Variants in SPTLC3 observed in about 807,000 individuals in gnomAD.
The protein encoded by SPTLC3 is serine palmitoyltransferase long chain base subunit 3, also known as serine palmitoyltransferase 3.
In SPTLC3, 36 loss-of-function variants were observed where a neutral mutation model predicts 59.3. That is an observed-to-expected ratio of 0.61 (90% confidence interval 0.47 to 0.80). The LOEUF (loss-of-function observed/expected upper bound fraction) is 0.80, where lower values mean the gene tolerates loss of function less well. SPTLC3 is among the 30% of genes least tolerant of loss of function. SPTLC3 has a pLI of 0.00. For missense variants in SPTLC3, 625 were observed against 685.1 expected, an observed-to-expected ratio of 0.91 and a Z score of 0.98; for synonymous variants, 257 against 240.8, an observed-to-expected ratio of 1.07 and a Z score of -0.62.
intron 2 of SPTLC3, among the ~76,000 whole-genome samples, chr20:13,068,775 A>C (rs983170218): frequency 6.6e-6 from 1 of 152,088 alleles, no homozygotes; most frequent in Non-Finnish European, 1.5e-5. Context: ...AACAACAACA[A>C]CACTAGCCCT....
chr20:13,052,712 G>C (rs530183636), intron 2 of SPTLC3, among the ~76,000 whole-genome samples: 1 of 152,164 alleles, frequency 6.6e-6, no homozygotes, highest in Non-Finnish European at 1.5e-5. Flanking sequence ...AGCAGGAGGG[G>C]CATCCACCAT....
At chr20:13,030,682 G>A (rs1986396427) in intron 1 of SPTLC3, among the ~76,000 whole-genome samples, 2 of 152,092 alleles carry the variant, frequency 1.3e-5, no homozygotes, top group South Asian at 4.1e-4. Flanking sequence ...CAAAGTGGAT[G>A]GAGGTCCTCC....
chr20:13,097,555 T>A (rs1989462914), intron 6 of SPTLC3, among the ~76,000 whole-genome samples: 1 of 152,158 alleles, frequency 6.6e-6, no homozygotes, highest in Non-Finnish European at 1.5e-5. Flanking sequence ...CTCTATTCTC[T>A]GTTTTTGTGT....
At chr20:13,053,998 C>T (rs1195602776) in intron 2 of SPTLC3, among the ~76,000 whole-genome samples, 2 of 152,014 alleles carry the variant, frequency 1.3e-5, no homozygotes, top group East Asian at 3.9e-4. Flanking sequence ...AATGTTTAAC[C>T]TGATTTGGTG....
rs543196230 is a variant in SPTLC3 at position 13,160,481 on chromosome 20, A to G, written c.1545+349A>G. On this transcript the variant is annotated intron_variant, in intron 11 of 11. Transcript: ENST00000399002. ...AATTACATGCATCCTGACATTTTTC[A>G]TAGCCACTAAATCTGCCATAATAAA... Among the ~76,000 whole-genome samples the G allele has an allele frequency of 1.2e-4, 19 of 152,364 alleles. No individual in the cohort carries two copies. In the East Asian group the frequency reaches 3.1e-3, roughly 25 times the overall value.
At chr20:13,042,770 C>T (rs2122477301) in intron 1 of SPTLC3, among the ~76,000 whole-genome samples, 1 of 152,330 alleles carries the variant, frequency 6.6e-6, no homozygotes, top group South Asian at 2.1e-4. Flanking sequence ...TGGCTCAATG[C>T]CACAGACTCT....
chr20:13,114,832 T>A (rs1211556584), intron 7 of SPTLC3, among the ~76,000 whole-genome samples: 1 of 152,214 alleles, frequency 6.6e-6, no homozygotes, highest in Non-Finnish European at 1.5e-5. Flanking sequence ...ATTCTCCATC[T>A]GCCAGTGGCT....
chr20:13,011,216 A>C (rs1286599288), intron 1 of SPTLC3, among the ~76,000 whole-genome samples: 1 of 152,222 alleles, frequency 6.6e-6, no homozygotes. Context: ...ATGGGAACGA[A>C]GTTGTCTTTA....
intron 9 of SPTLC3, among the ~76,000 whole-genome samples, chr20:13,139,082 G>A (rs1440656949): frequency 2.6e-5 from 4 of 152,130 alleles, no homozygotes; most frequent in African/African-American, 9.7e-5. Context: ...CATCCAAAAT[G>A]ACATTTTCCA....
chr20:13,117,056 T>C (rs1443079132), intron 7 of SPTLC3, among the ~76,000 whole-genome samples: 2 of 152,234 alleles, frequency 1.3e-5, no homozygotes, highest in Non-Finnish European at 2.9e-5. Context: ...TTTAATTCCC[T>C]CTTTTAATCT....
chr20:13,074,854 T>C (rs1364662019), intron 4 of SPTLC3, among the ~76,000 whole-genome samples: 1 of 152,202 alleles, frequency 6.6e-6, no homozygotes, highest in East Asian at 1.9e-4. Context: ...TTATGGCCTG[T>C]CTCTGCTCCT....
At chr20:13,021,609 G>A (rs1313228079) in intron 1 of SPTLC3, among the ~76,000 whole-genome samples, 2 of 122,238 alleles carry the variant, frequency 1.6e-5, no homozygotes, top group African/African-American at 6.3e-5. Flanking sequence ...CAGTGTAACT[G>A]CATCCCTGCA....
At chr20:13,150,585 G>A (rs1010254762) in intron 9 of SPTLC3, among the ~76,000 whole-genome samples, 6 of 152,128 alleles carry the variant, frequency 3.9e-5, no homozygotes, top group Middle Eastern at 3.2e-3. Context: ...TTCTATGTCC[G>A]GCTTTGTTTT....
chr20:13,147,150 C>A (rs743091), intron 9 of SPTLC3, among the ~76,000 whole-genome samples: 4,973 of 152,226 alleles, frequency 0.033, 249 homozygotes, highest in African/African-American at 0.11. Flanking sequence ...TGCGTGCATT[C>A]CACAGGGGCA....
chr20:13,081,908 G>A (rs1466247187), intron 4 of SPTLC3, among the ~76,000 whole-genome samples: 1 of 152,162 alleles, frequency 6.6e-6, no homozygotes, highest in Non-Finnish European at 1.5e-5. Context: ...GGAGAAAAAT[G>A]AAAGCATATC....
intron 8 of SPTLC3, among the ~76,000 whole-genome samples, chr20:13,125,018 C>T (rs2037955909): frequency 6.6e-6 from 1 of 152,198 alleles, no homozygotes; most frequent in South Asian, 2.1e-4. Context: ...CCTTTAAAGA[C>T]CCCACTGCTA....
intron 9 of SPTLC3, among the ~76,000 whole-genome samples, chr20:13,144,069 G>T (rs1227846121): frequency 6.6e-6 from 1 of 152,108 alleles, no homozygotes; most frequent in African/African-American, 2.4e-5. Context: ...TGACTCTCAA[G>T]GTGGCATTTT....
intron 1 of SPTLC3, among the ~76,000 whole-genome samples, chr20:13,017,048 G>A (rs1469332613): frequency 2.6e-5 from 4 of 152,082 alleles, no homozygotes; most frequent in African/African-American, 9.7e-5. Flanking sequence ...TTTAGTCCAC[G>A]CTTCCCCTGT....
chr20:13,104,211 A>G (rs1341175519), intron 6 of SPTLC3, among the ~76,000 whole-genome samples: 1 of 152,274 alleles, frequency 6.6e-6, no homozygotes, highest in African/African-American at 2.4e-5. Context: ...TTATAGCTAG[A>G]TATTTATAAC....
Sources: allele counts gnomAD v4.1 joint callset (sites outside exome capture counted in the v4.1 genomes callset), GRCh38; gene constraint gnomAD v4.1.1; transcripts MANE v1.5; gene names NCBI Gene and HGNC (gene_info 2026-07-23, HGNC 2026-07-21).